HDAC9: variants seen among roughly 807,000 people sequenced by gnomAD.
HDAC9 encodes MEF-2 interacting transcription repressor (MITR) protein.
In HDAC9, 41 loss-of-function variants were observed where a neutral mutation model predicts 139.4. The observed-to-expected ratio is 0.29, with a 90% CI of 0.23 to 0.38. The LOEUF is 0.38. HDAC9 is among the 10% of genes least tolerant of loss of function. The pLI is 1.00. For missense variants in HDAC9, 1,147 were observed against 1,297.0 expected (o/e 0.88, Z 1.78); for synonymous variants, 517 against 476.2 (o/e 1.09, Z -1.12).
At chr7:18,270,164 T>C (rs898269498) in intron 2 of HDAC9, among the ~76,000 whole-genome samples, 1 of 152,124 alleles carries the variant, frequency 6.6e-6, no homozygotes, top group Non-Finnish European at 1.5e-5. Context: ...ATGGTCCTTG[T>C]TGAAATCCAC....
intron 21 of HDAC9, among the ~76,000 whole-genome samples, chr7:18,869,097 G>C (rs1798708893): frequency 1.3e-5 from 2 of 151,782 alleles, no homozygotes; most frequent in Admixed American, 6.6e-5. Flanking sequence ...ACCCAAAGAG[G>C]GGGGCATGGG....
chr7:18,770,892 GCAAACAGGATATGATTTT>G (rs1790233133), intron 16 of HDAC9, among the ~76,000 whole-genome samples: 1 of 152,306 alleles, frequency 6.6e-6, no homozygotes, highest in Non-Finnish European at 1.5e-5. Context: ...TATGATGTTT[GCAAACAGGATATGATTTT>G]ATATAAGTTT....
chr7:18,660,513 AATGTATCAGGT>A (rs1792779362), intron 11 of HDAC9, among the ~76,000 whole-genome samples: 1 of 152,182 alleles, frequency 6.6e-6, no homozygotes, highest in African/African-American at 2.4e-5. Flanking sequence ...GGTGTTATGC[AATGTATCAGGT>A]ACTAGGATAT....
chr7:18,829,687 A>G (rs1795718962), intron 19 of HDAC9, 139 bp downstream of exon 19: 2 of 603,576 alleles, frequency 3.3e-6, no homozygotes, highest in Admixed American at 3.4e-5. Flanking sequence ...GTGGAAACTC[A>G]TTAAACTCAG....
rs530509761 is a variant in HDAC9 at position 18,804,165 on chromosome 7, G to C, written c.2322+10713G>C. On this transcript the variant is annotated intron_variant, in intron 17 of 25. Coordinates refer to ENST00000686413, the MANE Select transcript of HDAC9 (RefSeq NM_178425.4). The stretch of plus-strand genomic sequence containing the variant: ...GCTTTACTGATAAGGAGAGATTTGT[G>C]CTGAGTGAATTAAGGGAAGCATTAT... Among the ~76,000 whole-genome samples, 4 of 152,312 alleles carry C rather than the reference G, an allele frequency of 2.6e-5. No homozygotes were observed. The East Asian group carries it at 7.7e-4, about 29-fold the overall frequency.
intron 2 of HDAC9, among the ~76,000 whole-genome samples, chr7:18,171,673 C>T (rs1374125362): frequency 1.3e-5 from 2 of 152,172 alleles, no homozygotes; most frequent in African/African-American, 2.4e-5. Flanking sequence ...TGAATTTTGT[C>T]TAAGGCCTTT....
At chr7:18,197,718 A>C (rs781746996) in intron 2 of HDAC9, among the ~76,000 whole-genome samples, 1 of 152,172 alleles carries the variant, frequency 6.6e-6, no homozygotes, top group African/African-American at 2.4e-5. Flanking sequence ...CCAGAATGTA[A>C]GCTCCATGAG....
intron 14 of HDAC9, among the ~76,000 whole-genome samples, chr7:18,758,542 C>A (rs1453639071): frequency 6.6e-6 from 1 of 151,964 alleles, no homozygotes; most frequent in Non-Finnish European, 1.5e-5. Context: ...GATGGCAATA[C>A]CAGAAAATGG....
chr7:18,116,372 A>G (rs569145807), intron 1 of HDAC9, among the ~76,000 whole-genome samples: 122 of 152,302 alleles, frequency 8.0e-4, no homozygotes, highest in African/African-American at 2.8e-3. Flanking sequence ...AAAGTGATCA[A>G]TTTATCTGTC....
At chr7:18,390,372 C>T (rs1267355897) in intron 1 of HDAC9, among the ~76,000 whole-genome samples, 1 of 152,114 alleles carries the variant, frequency 6.6e-6, no homozygotes, top group Non-Finnish European at 1.5e-5. Context: ...AGTAGGTCAG[C>T]AAGGTCTGTC....
rs192974090 is a variant in HDAC9 at position 18,742,632 on chromosome 7, C to A, written c.1910-6373C>A. 3.9e-4 allele frequency among the ~76,000 whole-genome samples: 59 copies of A among 152,194 alleles called. No individual in the cohort carries two copies. In the Middle Eastern group the frequency reaches 0.01, roughly 26 times the overall value. On this transcript the variant is annotated intron_variant, in intron 13 of 25. Coordinates refer to ENST00000686413, the MANE Select transcript of HDAC9 (RefSeq NM_178425.4). ...GTTAGTCAGATTTCCTCCTCAGGAGCAATTACAACTTTTTATTTGGTTATT... is the reference window on the plus strand; with the variant it reads ...GTTAGTCAGATTTCCTCCTCAGGAGAAATTACAACTTTTTATTTGGTTATT...
intron 17 of HDAC9, among the ~76,000 whole-genome samples, chr7:18,823,038 AC>A (rs1795106502): frequency 6.6e-6 from 1 of 152,158 alleles, no homozygotes; most frequent in African/African-American, 2.4e-5. Flanking sequence ...GATGGAAATA[AC>A]CCAATAAAAG....
intron 1 of HDAC9, among the ~76,000 whole-genome samples, chr7:18,445,250 C>A (rs1374314064): frequency 1.3e-5 from 2 of 152,146 alleles, no homozygotes; most frequent in African/African-American, 4.8e-5. Flanking sequence ...GTTCTATTAG[C>A]TCAACTCAAA....
chr7:18,746,079 C>T (rs924153244), intron 13 of HDAC9, among the ~76,000 whole-genome samples: 2 of 151,472 alleles, frequency 1.3e-5, no homozygotes, highest in African/African-American at 4.9e-5. Flanking sequence ...CTATGTTGTT[C>T]AGGCTGGTTT....
At position 18,158,130 on chromosome 7, in the gene HDAC9, C is replaced by T. The variant is rs566919720; in HGVS notation, c.-96-4099C>T. 7.2e-5 allele frequency among the ~76,000 whole-genome samples: 11 copies of T among 152,164 alleles called. No homozygotes were observed. The South Asian group carries it at 8.3e-4, about 12-fold the overall frequency. Reference sequence around the variant, plus strand: ...TTGTTACCTACATAGACTATAAAAGCGTTCTGCTTTTTTAGTAGCACACTA... The same window carrying T: ...TTGTTACCTACATAGACTATAAAAGTGTTCTGCTTTTTTAGTAGCACACTA... On this transcript the variant is annotated intron_variant, in intron 1 of 12. Transcript: ENST00000417496.
intron 21 of HDAC9, among the ~76,000 whole-genome samples, chr7:18,837,728 T>C (rs1462574416): frequency 6.6e-6 from 1 of 152,112 alleles, no homozygotes; most frequent in Non-Finnish European, 1.5e-5. Context: ...CATCACAAAG[T>C]GAGCGGTGGA....
intron 2 of HDAC9, among the ~76,000 whole-genome samples, chr7:18,172,258 T>C (rs1484134995): frequency 6.6e-6 from 1 of 152,206 alleles, no homozygotes; most frequent in Non-Finnish European, 1.5e-5. Flanking sequence ...TTCTATTCTC[T>C]GATGGTAGTT....
At chr7:18,128,307 C>T (rs950345946) in intron 1 of HDAC9, among the ~76,000 whole-genome samples, 2 of 152,074 alleles carry the variant, frequency 1.3e-5, no homozygotes, top group Non-Finnish European at 1.5e-5. Flanking sequence ...AAGCAGGAAG[C>T]GTGTGCTGTT....
intron 2 of HDAC9, among the ~76,000 whole-genome samples, chr7:18,235,591 T>C (rs1430526852): frequency 2.6e-5 from 4 of 152,248 alleles, no homozygotes; most frequent in Non-Finnish European, 5.9e-5. Flanking sequence ...TATAAACTTT[T>C]AACCACTTAG....
Sources: gnomAD v4.1 joint callset for allele counts (sites outside exome capture counted in the v4.1 genomes callset) on GRCh38, gnomAD v4.1.1 for gene constraint, MANE v1.5 for transcripts, NCBI Gene and HGNC (gene_info 2026-07-23, HGNC 2026-07-21) for gene names.